Variants in ZNF621 observed in about 807,000 individuals in gnomAD.
ZNF621 encodes zinc finger protein 621.
A neutral mutation model predicts 12.7 loss-of-function variants in ZNF621; 6 were observed. That is an observed-to-expected ratio of 0.47 (90% CI 0.26 to 0.93). The LOEUF is 0.93. Among genes scored for constraint, ZNF621 ranks in the 40% least tolerant of loss-of-function variants. ZNF621 has a pLI of 0.15. For missense variants in ZNF621, 474 were observed against 524.0 expected (o/e 0.90, Z 0.93); for synonymous variants, 156 against 190.3 (o/e 0.82, Z 1.48).
chr3:40,532,680 A>G lies in ZNF621; in HGVS notation c.910A>G (p.Ile304Val). 1 of 1,614,180 alleles carries G rather than the reference A, an allele frequency of 6.2e-7. No homozygotes were observed. The highest frequency in any genetic ancestry group is 8.5e-7 in the Non-Finnish European group (1 of 1,180,020). Residue 304 changes from isoleucine (I) to valine (V), a missense_variant, in exon 5 of 5, where the codon ATA becomes GTA. Physicochemically the swap from Ile to Val is conservative, Grantham distance 29 (BLOSUM62 3). Coordinates refer to ENST00000339296, the MANE Select transcript of ZNF621 (RefSeq NM_198484.5). ...GTGTGGCAAAGCCTTCACCCAGAAA[A>G]TAGCCTCCATTCAGCATCAGAGAGT... is the stretch of plus-strand genomic sequence containing the variant. ...KECGKAFTQKIASIQHQRVHT... is the reference protein window; with the variant it reads ...KECGKAFTQKVASIQHQRVHT...
intron 3 of ZNF621, chr3:40,529,657 CTG>C (rs1698676161): frequency 1.5e-6 from 2 of 1,334,960 alleles, no homozygotes; most frequent in South Asian, 2.5e-5. Context: ...GAGTCTCGCT[CTG>C]TCACCTAGGC....
In ZNF621 at chr3:40,532,687, C is replaced by G; in HGVS notation, c.917C>G (p.Ser306Cys). 6.2e-7 allele frequency: 1 copy of G among 1,614,140 alleles called. No homozygotes were observed. Among genetic ancestry groups the G allele is most frequent in the Non-Finnish European group, 8.5e-7 (1 of 1,180,016 alleles). ...AAAGCCTTCACCCAGAAAATAGCCT[C>G]CATTCAGCATCAGAGAGTTCACACT... is the stretch of plus-strand genomic sequence containing the variant. ...CGKAFTQKIASIQHQRVHTGE... is the reference protein window; with the variant it reads ...CGKAFTQKIACIQHQRVHTGE... The change falls in exon 5 of 5, where the codon TCC (serine) becomes TGC (cysteine). Residue 306 changes from serine to cysteine, a missense_variant. Coordinates refer to ENST00000339296, the MANE Select transcript of ZNF621 (RefSeq NM_198484.5).
upstream of ZNF621, among the ~76,000 whole-genome samples, chr3:40,523,444 G>A (rs1698501362): frequency 2.0e-5 from 3 of 152,132 alleles, no homozygotes; most frequent in Admixed American, 2.0e-4. Context: ...ACTGTGTTCA[G>A]GAGAAGTTAT....
rs1698771094 is a variant in ZNF621 at position 40,532,928 on chromosome 3, T to G, written c.1158T>G (p.Phe386Leu). The change falls in exon 5 of 5, where the codon TTT becomes TTG. Residue 386 changes from phenylalanine (F) to leucine (L), a missense_variant. Coordinates refer to ENST00000339296, the MANE Select transcript of ZNF621 (RefSeq NM_198484.5). ...ASAVAVPSLTFPHAVLIPTSG... is the reference protein window; with the variant it reads ...ASAVAVPSLTLPHAVLIPTSG... ...CCGTAGCTGTGCCTTCACTGACCTT[T>G]CCACATGCTGTGCTCATTCCTACCT... is the stretch of plus-strand genomic sequence containing the variant. 1 of 1,565,618 alleles carries G rather than the reference T, an allele frequency of 6.4e-7. No homozygotes were observed. The highest frequency in any genetic ancestry group is 8.7e-7 in the Non-Finnish European group (1 of 1,154,982).
chr3:40,525,864 G>T lies in ZNF621; in HGVS notation c.24G>T (p.Gln8His), dbSNP rs895381579. The change falls in exon 2 of 5, where the codon CAG becomes CAT. Residue 8 changes from glutamine (Q) to histidine (H), a missense_variant and splice_region_variant. Coordinates refer to ENST00000339296, the MANE Select transcript of ZNF621 (RefSeq NM_198484.5). Reference sequence around the variant, plus strand: ...CCATGCTCCAAACAACTTGGCCTCAGGTGAGCTGAGCTTCTTTCAGTTTTT... The same window carrying T: ...CCATGCTCCAAACAACTTGGCCTCATGTGAGCTGAGCTTCTTTCAGTTTTT... MLQTTWP[Q>H]ESVTFEDVAV... is the part of the protein sequence containing the mutation. 10 of 1,613,234 alleles carry T rather than the reference G, an allele frequency of 6.2e-6. No homozygotes were observed. The highest frequency in any genetic ancestry group is 8.5e-6 in the Non-Finnish European group (10 of 1,179,894).
upstream of ZNF621, among the ~76,000 whole-genome samples, chr3:40,523,771 A>C (rs551227431): frequency 7.0e-6 from 1 of 142,634 alleles, no homozygotes; most frequent in East Asian, 2.1e-4. Flanking sequence ...GTCTCAAAAA[A>C]ACAAACAAAC....
Position 40,529,426 on chromosome 3 carries a change from T to C in ZNF621, c.132T>C (p.Tyr44=), listed in dbSNP as rs377511165. Residue 44 remains tyrosine, a synonymous_variant, in exon 3 of 5, where the codon TAT becomes TAC. Coordinates refer to ENST00000339296, the MANE Select transcript of ZNF621 (RefSeq NM_198484.5). ...ACGGGGAGGTGATGCTGGAGAATTA[T>C]GCAAATGTGGCTTCTCTGGGTAAGG... ...ALYGEVMLEN[Y]ANVASLVAFP... is the part of the protein sequence containing the mutation. 1.9e-6 allele frequency: 3 copies of C among 1,613,456 alleles called. No homozygotes were observed. Among genetic ancestry groups the C allele is most frequent in the Non-Finnish European group, 2.5e-6 (3 of 1,179,588 alleles).
chr3:40,529,127 C>T (rs532995362), intron 2 of ZNF621, among the ~76,000 whole-genome samples, 192 bp from the exon 3 acceptor site: 4 of 152,270 alleles, frequency 2.6e-5, no homozygotes, highest in South Asian at 4.1e-4. Context: ...TGTTGGGGCT[C>T]CCCATTTGAA....
intron 2 of ZNF621, 63 bp downstream of exon 2, chr3:40,525,927 A>G: frequency 1.3e-6 from 2 of 1,577,828 alleles, no homozygotes; most frequent in East Asian, 2.3e-5. Context: ...CACATTAGCT[A>G]TCAGATAATC....
chr3:40,526,447 T>C (rs1698585435), intron 2 of ZNF621, among the ~76,000 whole-genome samples: 2 of 152,212 alleles, frequency 1.3e-5, no homozygotes, highest in South Asian at 4.1e-4. Flanking sequence ...GCTGGGATTA[T>C]AGGCATGAGC....
rs1468446276 is a variant in ZNF621 at position 40,535,826 on chromosome 3, G to C, written c.*2736G>C. On this transcript the variant is annotated 3_prime_UTR_variant, in exon 5 of 5. Coordinates refer to ENST00000339296, the MANE Select transcript of ZNF621 (RefSeq NM_198484.5). ...ATTGAAGGTTACCTAAATGACAGAA[G>C]GATGCACTATATTCATGGGTAGGAA... The C allele has an allele frequency of 6.6e-6, 1 of 152,054 alleles. No homozygotes were observed. Among genetic ancestry groups the C allele is most frequent in the African/African-American group, 2.4e-5 (1 of 41,402 alleles). The allele number at this position is 152,054 out of a possible 1,614,324, so 9.4% of individuals were successfully genotyped here.
At chr3:40,525,717 C>T in intron 1 of ZNF621, 62 bp from the exon 2 acceptor site, 1 of 1,303,782 alleles carries the variant, frequency 7.7e-7, no homozygotes, top group Admixed American at 1.7e-5. Context: ...CTGGGAGGGC[C>T]ATAGGTTGCT....
At chr3:40,529,274 C>T in intron 2 of ZNF621, 45 bp from the exon 3 acceptor site, 1 of 1,602,040 alleles carries the variant, frequency 6.2e-7, no homozygotes, top group Non-Finnish European at 8.5e-7. Context: ...TCCCTTCTTC[C>T]TTCTACTTCT....
Position 40,533,545 on chromosome 3 carries a change from T to C in ZNF621, c.*455T>C, listed in dbSNP as rs1283300236. 6.1e-6 allele frequency: 1 copy of C among 162,852 alleles called. No homozygotes were observed. The highest frequency in any genetic ancestry group is 1.4e-5 in the Non-Finnish European group (1 of 73,442). The allele number at this position is 162,852 out of a possible 1,614,324, so 10.1% of individuals were successfully genotyped here. The stretch of plus-strand genomic sequence containing the variant: ...ATAATCTATATACATTTAAAGACCG[T>C]GTTTACATAATCTCTTCTGGGTAGA... On this transcript the variant is annotated 3_prime_UTR_variant, in exon 5 of 5. Coordinates refer to ENST00000339296, the MANE Select transcript of ZNF621 (RefSeq NM_198484.5).
chr3:40,531,226 G>A (rs957719853), intron 4 of ZNF621, among the ~76,000 whole-genome samples: 1 of 152,178 alleles, frequency 6.6e-6, no homozygotes, highest in Non-Finnish European at 1.5e-5. Context: ...TACAGGTAGG[G>A]CTTTGGGATC....
At chr3:40,531,719 T>G (rs1017921924) in intron 4 of ZNF621, among the ~76,000 whole-genome samples, 1 of 152,050 alleles carries the variant, frequency 6.6e-6, no homozygotes, top group African/African-American at 2.4e-5. Context: ...TGCGCCACCA[T>G]GCCCGGCTAA....
chr3:40,523,415 G>C (rs80173654), upstream of ZNF621, among the ~76,000 whole-genome samples: 3,596 of 152,312 alleles, frequency 0.024, 129 homozygotes, highest in African/African-American at 0.081. Flanking sequence ...GCTTGGTGGT[G>C]AGGAGCCTGG....
In ZNF621 at chr3:40,533,139, C is replaced by A; in HGVS notation, c.*49C>A. On this transcript the variant is annotated 3_prime_UTR_variant, in exon 5 of 5. Coordinates refer to ENST00000339296, the MANE Select transcript of ZNF621 (RefSeq NM_198484.5). ...CTCTTATGCCTAGCAAATCTCCAGCCTAATTTTATATATTTTTTTGAGAAA... is the reference window on the plus strand; with the variant it reads ...CTCTTATGCCTAGCAAATCTCCAGCATAATTTTATATATTTTTTTGAGAAA... The A allele has an allele frequency of 6.6e-7, 1 of 1,517,850 alleles. No homozygotes were observed. The highest frequency in any genetic ancestry group is 1.3e-5 in the South Asian group (1 of 78,990). 94.0% of individuals were successfully genotyped at this position (1,517,850 alleles called of 1,614,324 possible). A position where few individuals can be genotyped will look rare whatever the true frequency, so the allele number is the denominator to read the frequency against.
rs1698798802 is a variant in ZNF621 at position 40,533,827 on chromosome 3, C to T, written c.*737C>T. 1 of 152,256 alleles carries T rather than the reference C, an allele frequency of 6.6e-6. No individual in the cohort carries two copies. Among genetic ancestry groups the T allele is most frequent in the Admixed American group, 6.6e-5 (1 of 15,246 alleles). 9.4% of individuals were successfully genotyped at this position (152,256 alleles called of 1,614,324 possible). A position where few individuals can be genotyped will look rare whatever the true frequency, so the allele number is the denominator to read the frequency against. ...GATTAATGGAGATTGTTTAGTGGGCCCATGGCTAGGTGGGGTATTAATACA... is the reference window on the plus strand; with the variant it reads ...GATTAATGGAGATTGTTTAGTGGGCTCATGGCTAGGTGGGGTATTAATACA... On this transcript the variant is annotated 3_prime_UTR_variant, in exon 5 of 5. Transcript: ENST00000339296.
Sources: gnomAD v4.1 joint callset for allele counts (sites outside exome capture counted in the v4.1 genomes callset) on GRCh38, gnomAD v4.1.1 for gene constraint, MANE v1.5 for transcripts, NCBI Gene and HGNC (gene_info 2026-07-23, HGNC 2026-07-21) for gene names.